The following TMEM26 variants were observed in gnomAD, a reference collection of about 807,000 sequenced individuals.
TMEM26 encodes the protein transmembrane protein 26.
Under a neutral mutation model 28.8 loss-of-function variants are expected in TMEM26, and 38 were observed. The observed-to-expected ratio is 1.32, with a 90% confidence interval of 1.02 to 1.73. The LOEUF (loss-of-function observed/expected upper bound fraction) is 1.73, where lower values mean the gene tolerates loss of function less well. TMEM26 is among the 40% of genes most tolerant of loss of function. TMEM26 has a pLI of 0.00. For synonymous variants in TMEM26, 227 were observed against 182.9 expected (o/e 1.24, Z -1.95); for missense variants, 518 against 447.1 (o/e 1.16, Z -1.43).
intron 4 of TMEM26, among the ~76,000 whole-genome samples, chr10:61,422,746 T>G (rs1266581567): frequency 6.6e-6 from 1 of 151,938 alleles, no homozygotes; most frequent in Non-Finnish European, 1.5e-5. Context: ...CAATCAAAGT[T>G]TCCATCTGAA....
chr10:61,414,406 G>A (rs1369480100), intron 4 of TMEM26: 2 of 152,048 alleles, frequency 1.3e-5, no homozygotes, highest in Admixed American at 6.6e-5. Context: ...GAAGAGGTCT[G>A]AAAAGCATCA....
Position 61,406,706 on chromosome 10 carries a change from T to C in TMEM26, c.*3616A>G, listed in dbSNP as rs1200891353. ...ACAAAGGCCACTCATAGCAAAATAG[T>C]ATAAATATAAATACTGCAGAGAAAA... On this transcript the variant is annotated 3_prime_UTR_variant, in exon 6 of 6. Transcript: ENST00000399298. 6.6e-6 allele frequency: 1 copy of C among 152,074 alleles called. No homozygotes were observed. The highest frequency in any genetic ancestry group is 1.5e-5 in the Non-Finnish European group (1 of 67,966). The allele number at this position is 152,074 out of a possible 1,614,324, so 9.4% of individuals were successfully genotyped here.
At chr10:61,415,859 A>T (rs1314966936) in intron 4 of TMEM26, among the ~76,000 whole-genome samples, 1 of 152,078 alleles carries the variant, frequency 6.6e-6, no homozygotes, top group African/African-American at 2.4e-5. Flanking sequence ...GATCTATGTG[A>T]GACAGTTCAA....
At chr10:61,431,527 C>T (rs1915439) in intron 2 of TMEM26, among the ~76,000 whole-genome samples, 195 bp from the exon 3 acceptor site, 16,777 of 152,006 alleles carry the variant, frequency 0.11, 1,185 homozygotes, top group East Asian at 0.21. Flanking sequence ...AAAAGAATGT[C>T]AAGTATACAA....
chr10:61,439,129 T>G (rs1394852573), intron 1 of TMEM26, among the ~76,000 whole-genome samples: 6 of 152,222 alleles, frequency 3.9e-5, no homozygotes, highest in Non-Finnish European at 1.5e-5. Context: ...AAAGCTTATT[T>G]TGGAATGTTC....
rs143892415 is a variant in TMEM26 at position 61,421,769 on chromosome 10, G to T, written c.605+7157C>A. On this transcript the variant is annotated intron_variant, in intron 4 of 5. Coordinates refer to ENST00000399298, the MANE Select transcript of TMEM26 (RefSeq NM_178505.8). ...TTTTGGATTCCTAGCATCTGGAACT[G>T]TGAGAGAAGAAGTTTCTGTTGTTTT... 2.4e-3 allele frequency among the ~76,000 whole-genome samples: 367 copies of T among 152,234 alleles called. 1 individual carries two copies. Among genetic ancestry groups the T allele is most frequent in the African/African-American group, 8.1e-3 (338 of 41,540 alleles).
intron 2 of TMEM26, among the ~76,000 whole-genome samples, chr10:61,433,115 T>G (rs1839949027): frequency 6.6e-6 from 1 of 152,170 alleles, no homozygotes; most frequent in Non-Finnish European, 1.5e-5. Context: ...TACTTAAACA[T>G]CTTGTTATTT....
At chr10:61,426,525 G>A (rs149380940) in intron 4 of TMEM26, among the ~76,000 whole-genome samples, 1 of 151,876 alleles carries the variant, frequency 6.6e-6, no homozygotes, top group African/African-American at 2.4e-5. Context: ...GCCAAAGGAA[G>A]GAAATTTATT....
At chr10:61,450,849 A>G (rs207471048) in intron 1 of TMEM26, among the ~76,000 whole-genome samples, 2 of 152,208 alleles carry the variant, frequency 1.3e-5, no homozygotes, top group Admixed American at 6.5e-5. Flanking sequence ...GTGCGGACAT[A>G]AAGTGTGCCT....
In TMEM26 at chr10:61,435,581, C is replaced by T. The variant is rs1432260145; in HGVS notation, c.270+589G>A. ...GACTCCTCCCCTTTAATCTTAGTTTCGGGGCTCTAGAAAAGAATTTCTATT... is the reference window on the plus strand; with the variant it reads ...GACTCCTCCCCTTTAATCTTAGTTTTGGGGCTCTAGAAAAGAATTTCTATT... On this transcript the variant is annotated intron_variant, in intron 2 of 5. Transcript: ENST00000399298. Among the ~76,000 whole-genome samples the T allele has an allele frequency of 2.6e-5, 4 of 152,272 alleles. No individual in the cohort carries two copies. In the South Asian group the frequency reaches 8.3e-4, roughly 32 times the overall value.
chr10:61,452,780 G>C, intron 1 of TMEM26, 111 bp downstream of exon 1: 1 of 1,339,354 alleles, frequency 7.5e-7, no homozygotes, highest in Non-Finnish European at 1.0e-6. Context: ...GAGGAAAAAC[G>C]GGGTCCAAAT....
rs534884146 is a variant in TMEM26 at position 61,436,415 on chromosome 10, G to A, written c.192-167C>T. Among the ~76,000 whole-genome samples, 23 of 152,166 alleles carry A rather than the reference G, an allele frequency of 1.5e-4. No individual in the cohort carries two copies. In the South Asian group the frequency reaches 3.9e-3, roughly 26 times the overall value. ...ATTTCAATGAAGAAAAAAGCATTAT[G>A]TGATTTCTGCCATATGGATTATAAA... On this transcript the variant is annotated intron_variant, in intron 1 of 5. Transcript: ENST00000399298.
rs539006071 is a variant in TMEM26, at chr10:61,419,357, A to G, written c.606-5822T>C. Among the ~76,000 whole-genome samples the G allele has an allele frequency of 2.5e-4, 38 of 152,278 alleles. No individual in the cohort carries two copies. In the South Asian group the frequency reaches 7.0e-3, roughly 28 times the overall value. On this transcript the variant is annotated intron_variant, in intron 4 of 5. Transcript: ENST00000399298. ...GAGGTCCAGATATTGGATTTAGCAGAAAAATATTTCAAAGCAACTATTATA... is the reference window on the plus strand; with the variant it reads ...GAGGTCCAGATATTGGATTTAGCAGGAAAATATTTCAAAGCAACTATTATA...
rs963503369 is a variant in TMEM26, at chr10:61,410,993, G to A, written c.683-247C>T. Among the ~76,000 whole-genome samples, 6 of 152,292 alleles carry A rather than the reference G, an allele frequency of 3.9e-5. No individual in the cohort carries two copies. In the South Asian group the frequency reaches 8.3e-4, roughly 21 times the overall value. On this transcript the variant is annotated intron_variant, in intron 5 of 5. Coordinates refer to ENST00000399298, the MANE Select transcript of TMEM26 (RefSeq NM_178505.8). ...TCATCTAGTTCTCACCCTGGGCAAA[G>A]CACAATTAAATAGATTCTAGGAGCC...
Position 61,409,553 on chromosome 10 carries a change from CTGA to C in TMEM26, c.*766_*768del. 6.6e-6 allele frequency: 1 copy of C among 152,200 alleles called. No individual in the cohort carries two copies. Among genetic ancestry groups the C allele is most frequent in the East Asian group, 1.9e-4 (1 of 5,202 alleles). 9.4% of individuals were successfully genotyped at this position (152,200 alleles called of 1,614,324 possible). ...TGGTAAAGCAGGGTTCAGAAAAATA[CTGA>C]TGAACACTGCAAATCATGTTCAGAG... On this transcript the variant is annotated 3_prime_UTR_variant, in exon 6 of 6. Coordinates refer to ENST00000399298, the MANE Select transcript of TMEM26 (RefSeq NM_178505.8).
intron 1 of TMEM26, among the ~76,000 whole-genome samples, chr10:61,447,639 C>T (rs892317161): frequency 5.9e-5 from 9 of 152,114 alleles, no homozygotes; most frequent in Non-Finnish European, 1.3e-4. Flanking sequence ...TCTAGGGATA[C>T]TGGAATAATA....
rs1839555945 is a variant in TMEM26, at chr10:61,410,694, C to A, written c.735G>T (p.Leu245=). Residue 245 remains leucine (L), a synonymous_variant, in exon 6 of 6, where the codon CTG becomes CTT. Transcript: ENST00000399298. ...VSVTERGFPS[L]FFCQYSADLW... is the part of the protein sequence containing the mutation. ...GATCGGCACTGTACTGGCAAAAGAA[C>A]AGGCTGGGGAATCCCCTCTCTGTCA... 6.2e-7 allele frequency: 1 copy of A among 1,614,154 alleles called. No individual in the cohort carries two copies. The highest frequency in any genetic ancestry group is 8.5e-7 in the Non-Finnish European group (1 of 1,180,028).
intron 1 of TMEM26, among the ~76,000 whole-genome samples, chr10:61,438,863 A>G (rs1439034462): frequency 1.3e-5 from 2 of 152,216 alleles, no homozygotes; most frequent in Admixed American, 6.5e-5. Flanking sequence ...TTTAAATAAA[A>G]CAAACAAAAA....
rs60111640 is a variant in TMEM26, at chr10:61,440,514, CAA to C, written c.192-4268_192-4267del. 3.2e-3 allele frequency among the ~76,000 whole-genome samples: 317 copies of C among 99,032 alleles called. 2 individuals carry two copies. The highest frequency in any genetic ancestry group is 8.9e-3 in the African/African-American group (240 of 26,996). 65.0% of individuals were successfully genotyped at this position (99,032 alleles called of 152,430 possible). A position where few individuals can be genotyped will look rare whatever the true frequency, so the allele number is the denominator to read the frequency against. On this transcript the variant is annotated intron_variant, in intron 1 of 5. Coordinates refer to ENST00000399298, the MANE Select transcript of TMEM26 (RefSeq NM_178505.8). ...ATAACAGTGTTCTTCTTCCAGTTCT[CAA>C]AAAAAAAAAAAAAAAAAAGCAAGTG...
Sources: allele counts gnomAD v4.1 joint callset (sites outside exome capture counted in the v4.1 genomes callset), GRCh38; gene constraint gnomAD v4.1.1; transcripts MANE v1.5; gene names NCBI Gene and HGNC (gene_info 2026-07-23, HGNC 2026-07-21).